MYH6: variants seen among roughly 807,000 people sequenced by gnomAD.
The protein encoded by MYH6 is myosin heavy chain 6.
In MYH6, 126 loss-of-function variants were observed where a neutral mutation model predicts 223.2. That is an observed-to-expected ratio of 0.56 (90% CI 0.49 to 0.65). The LOEUF is 0.65. MYH6 is among the 30% of genes least tolerant of loss of function. The probability of loss-of-function intolerance (pLI) is 0.00; values close to 1 mark genes in which losing one functional copy is unlikely to be tolerated. For synonymous variants in MYH6, 978 were observed against 1,010.2 expected (o/e 0.97, Z 0.61); for missense variants, 2,040 against 2,536.4 (o/e 0.80, Z 4.20).
chr14:23,404,831 C>T lies in MYH6; in HGVS notation c.531-9G>A. 2 of 1,610,222 alleles carry T rather than the reference C, an allele frequency of 1.2e-6. No homozygotes were observed. The highest frequency in any genetic ancestry group is 8.5e-7 in the Non-Finnish European group (1 of 1,176,438). ...CCGCCCCGGATTCTCCCCTGGGGGCCACAGAGACCAATCAAAACTCAGGAT... is the reference window on the plus strand; with the variant it reads ...CCGCCCCGGATTCTCCCCTGGGGGCTACAGAGACCAATCAAAACTCAGGAT... On this transcript the variant is annotated splice_polypyrimidine_tract_variant and intron_variant, in intron 6 of 38. Coordinates refer to ENST00000405093, the MANE Select transcript of MYH6 (RefSeq NM_002471.4).
chr14:23,400,090 G>A (rs1041386461), intron 14 of MYH6, 166 bp downstream of exon 14: 12 of 1,034,100 alleles, frequency 1.2e-5, no homozygotes, highest in Non-Finnish European at 1.7e-5. Flanking sequence ...GGAAGAGTGG[G>A]GGGATCATCC....
Position 23,382,444 on chromosome 14 carries a change from C to A in MYH6, c.5780G>T (p.Arg1927Leu), listed in dbSNP as rs730880152. ...SQVNKLRAKS[R>L]DIGAKQKMHD... Reference sequence around the variant, plus strand: ...GGGACCCACCTTGGCACCAATGTCACGGCTCTTGGCTCGAAGCTTGTTGAC... The same window carrying A: ...GGGACCCACCTTGGCACCAATGTCAAGGCTCTTGGCTCGAAGCTTGTTGAC... Residue 1927 changes from arginine (R) to leucine (L), a missense_variant, in exon 38 of 39, where the codon CGT (arginine) becomes CTT (leucine). Arg to Leu is a moderately radical substitution (Grantham distance 102). Around this residue, in one of 4 missense-constraint regions of MYH6, gnomAD observed 1,203 missense variants for 1,400.2 expected, o/e 0.86. Transcript: ENST00000405093. The A allele has an allele frequency of 6.2e-6, 10 of 1,614,024 alleles. No homozygotes were observed. The African/African-American group carries it at 6.7e-5, about 11-fold the overall frequency.
Position 23,399,569 on chromosome 14 carries a change from C to G in MYH6, c.1582-532G>C, listed in dbSNP as rs146524242. 354 of 191,692 alleles carry G rather than the reference C, an allele frequency of 1.8e-3. 1 individual carries two copies. The highest frequency in any genetic ancestry group is 7.5e-3 in the African/African-American group (320 of 42,836). The allele number at this position is 191,692 out of a possible 1,614,324, so 11.9% of individuals were successfully genotyped here. On this transcript the variant is annotated intron_variant, in intron 14 of 38. Transcript: ENST00000405093. ...AAACGCATGTACACACACACACGTA[C>G]ACACACACACATGCACAAGCACACA... is the stretch of plus-strand genomic sequence containing the variant.
chr14:23,400,505 G>A lies in MYH6; in HGVS notation c.1411-79C>T, dbSNP rs28730776. On this transcript the variant is annotated intron_variant, in intron 13 of 38. Coordinates refer to ENST00000405093, the MANE Select transcript of MYH6 (RefSeq NM_002471.4). Reference sequence around the variant, plus strand: ...TGGGGCTGTGCCCGTGCACTGTGCCGAGCCCAGCAGGGTATGGCTGTCCCC... The same window carrying A: ...TGGGGCTGTGCCCGTGCACTGTGCCAAGCCCAGCAGGGTATGGCTGTCCCC... The A allele has an allele frequency of 5.5e-3, 8,795 of 1,608,168 alleles. 328 individuals are homozygous for A. In the African/African-American group the frequency reaches 0.088, roughly 16 times the overall value.
At chr14:23,397,964 C>CTATTTT (rs1335810595) in intron 15 of MYH6, among the ~76,000 whole-genome samples, 1 of 124,636 alleles carries the variant, frequency 8.0e-6, no homozygotes, top group Non-Finnish European at 1.7e-5. Flanking sequence ...TCTTCTTCTT[C>CTATTTT]TTCTTCTTCT....
rs369835593 is a variant in MYH6 at position 23,396,437 on chromosome 14, G to C, written c.2293-17C>G. The C allele has an allele frequency of 1.2e-6, 2 of 1,612,984 alleles. No individual in the cohort carries two copies. Among genetic ancestry groups the C allele is most frequent in the African/African-American group, 2.7e-5 (2 of 74,942 alleles). On this transcript the variant is annotated splice_polypyrimidine_tract_variant and intron_variant, in intron 19 of 38. Transcript: ENST00000405093. ...GAAGAACACCTGCAGGCAAGGGGTA[G>C]ATGCAACAGGCCGCAGCCTCAGAGG...
Position 23,389,595 on chromosome 14 carries a change from T to A in MYH6, c.3857A>T (p.Asn1286Ile), listed in dbSNP as rs772586397. ...GGGGGTTGGTTAGGGGCACCCACCA[T>A]TCTCGGTCTGCAGCTTGGCTCGCTG... The part of the protein sequence containing the change: ...TTQRAKLQTE[N>I]GELARQLEEK... The change falls in exon 27 of 39, where the codon AAT becomes ATT. Residue 1286 changes from asparagine to isoleucine, a missense_variant and splice_region_variant. Physicochemically the swap from Asn to Ile is moderately radical, Grantham distance 149. This residue lies in a region of MYH6 where 1,203 missense variants were observed against 1,400.2 expected (regional missense o/e 0.86). Transcript: ENST00000405093. 1 of 1,614,220 alleles carries A rather than the reference T, an allele frequency of 6.2e-7. No individual in the cohort carries two copies. Among genetic ancestry groups the A allele is most frequent in the East Asian group, 2.2e-5 (1 of 44,878 alleles).
intron 20 of MYH6, among the ~76,000 whole-genome samples, chr14:23,395,418 C>T (rs1025740580): frequency 1.3e-5 from 2 of 152,168 alleles, no homozygotes; most frequent in Non-Finnish European, 2.9e-5. Context: ...AAGATCTTTG[C>T]TATTATGACC....
chr14:23,385,959 G>T lies in MYH6; in HGVS notation c.5132C>A (p.Thr1711Asn). Residue 1711 changes from threonine (T) to asparagine (N), a missense_variant, in exon 34 of 39, where the codon ACC becomes AAC. Around this residue, in one of 4 missense-constraint regions of MYH6, gnomAD observed 1,203 missense variants for 1,400.2 expected, o/e 0.86. Coordinates refer to ENST00000405093, the MANE Select transcript of MYH6 (RefSeq NM_002471.4). ...RKLAEQELIE[T>N]SERVQLLHSQ... ...ATGCAGCAGCTGCACCCGCTCGCTGGTCTCAATCAGCTCCTGCTCCGCCAG... is the reference window on the plus strand; with the variant it reads ...ATGCAGCAGCTGCACCCGCTCGCTGTTCTCAATCAGCTCCTGCTCCGCCAG... 2 of 1,614,198 alleles carry T rather than the reference G, an allele frequency of 1.2e-6. No individual in the cohort carries two copies. The highest frequency in any genetic ancestry group is 1.7e-6 in the Non-Finnish European group (2 of 1,180,036).
Position 23,383,196 on chromosome 14 carries a change from T to C in MYH6, c.5661+29A>G, listed in dbSNP as rs775716811. ...TTCTCACAAATAGTAGGTGTGTTGA[T>C]GAGAAAGGGAAGAAAGCTCTGAACT... On this transcript the variant is annotated intron_variant, in intron 37 of 38. Transcript: ENST00000405093. 4.4e-6 allele frequency: 7 copies of C among 1,573,292 alleles called. No individual in the cohort carries two copies. In the South Asian group the frequency reaches 7.8e-5, roughly 17 times the overall value.
In MYH6 at chr14:23,402,569, C is replaced by T. The variant is rs1262102654; in HGVS notation, c.1036G>A (p.Glu346Lys). ...AFDVLGFTSE[E>K]KAGVYKLTGA... ...GTCAGCTTGTAGACGCCAGCTTTCT[C>T]CTCTGAAGTGAAGCCCAGCACGTCA... Residue 346 changes from glutamate to lysine, a missense_variant, in exon 12 of 39, where the codon GAG (glutamate) becomes AAG (lysine). By Grantham distance (56) the Glu-to-Lys change is moderately conservative. Transcript: ENST00000405093. 6.2e-7 allele frequency: 1 copy of T among 1,613,796 alleles called. No homozygotes were observed. Among genetic ancestry groups the T allele is most frequent in the Admixed American group, 1.7e-5 (1 of 59,986 alleles).
At chr14:23,388,755 T>C (rs1891125534) in intron 29 of MYH6, 104 bp downstream of exon 29, 1 of 1,529,980 alleles carries the variant, frequency 6.5e-7, no homozygotes. Flanking sequence ...GAGTTCCTCC[T>C]GTCTCTTCCA....
chr14:23,389,178 C>G, intron 28 of MYH6, 123 bp from the exon 29 acceptor site: 1 of 1,279,066 alleles, frequency 7.8e-7, no homozygotes, highest in Non-Finnish European at 1.1e-6. Context: ...TGATGTGGCA[C>G]CTCACTGTTT....
chr14:23,395,835 G>A (rs2138602352), intron 20 of MYH6, among the ~76,000 whole-genome samples: 1 of 152,292 alleles, frequency 6.6e-6, no homozygotes, highest in South Asian at 2.1e-4. Context: ...GCCTGCAGCT[G>A]TTCAACTTTA....
At chr14:23,389,924 G>A in intron 26 of MYH6, 133 bp downstream of exon 26, 1 of 1,566,724 alleles carries the variant, frequency 6.4e-7, no homozygotes, top group South Asian at 1.1e-5. Context: ...GAGGGGCAGG[G>A]GAGACAGGAA....
In MYH6 at chr14:23,405,830, G is replaced by A; in HGVS notation, c.202-60C>T. The A allele has an allele frequency of 6.2e-7, 1 of 1,609,788 alleles. No individual in the cohort carries two copies. The highest frequency in any genetic ancestry group is 1.7e-4 in the Middle Eastern group (1 of 6,040). On this transcript the variant is annotated intron_variant, in intron 3 of 38. Coordinates refer to ENST00000405093, the MANE Select transcript of MYH6 (RefSeq NM_002471.4). The surrounding 1 kb of genome is among the most constrained non-coding windows in gnomAD (Gnocchi z 4.7). ...CACAATCCCTCCGGGACCCTTGCCA[G>A]CACTGCCCACTGACCTCCTCCCAGG... is the stretch of plus-strand genomic sequence containing the variant.
Position 23,384,600 on chromosome 14 carries a change from C to T in MYH6, c.5407G>A (p.Glu1803Lys). 1 of 1,613,808 alleles carries T rather than the reference C, an allele frequency of 6.2e-7. No individual in the cohort carries two copies. Reference sequence around the variant, plus strand: ...TTGCCTCCCTTGAGGGCGATCTGCTCGGCCTCGTCCAGCCGGTGCTGCAGG... The same window carrying T: ...TTGCCTCCCTTGAGGGCGATCTGCTTGGCCTCGTCCAGCCGGTGCTGCAGG... ...KDLQHRLDEAEQIALKGGKKQ... is the reference protein window; with the variant it reads ...KDLQHRLDEAKQIALKGGKKQ... Residue 1803 changes from glutamate to lysine, a missense_variant, in exon 36 of 39, where the codon GAG (glutamate) becomes AAG (lysine). By Grantham distance (56) the Glu-to-Lys change is moderately conservative. This residue lies in a region of MYH6 where 1,203 missense variants were observed against 1,400.2 expected (regional missense o/e 0.86). Coordinates refer to ENST00000405093, the MANE Select transcript of MYH6 (RefSeq NM_002471.4).
chr14:23,389,476 G>A lies in MYH6; in HGVS notation c.3895C>T (p.Leu1299=), dbSNP rs752983057. The change falls in exon 28 of 39, where the codon CTA becomes TTA. Residue 1299 remains leucine (L), a synonymous_variant. Transcript: ENST00000405093. ...LARQLEEKEA[L]ISQLTRGKLS... is the part of the protein sequence containing the mutation. ...TTCCCCCGGGTCAGCTGCGAGATTA[G>A]CGCCTCCTTTTCCTCTAGCTGCCGG... 3 of 1,614,166 alleles carry A rather than the reference G, an allele frequency of 1.9e-6. No homozygotes were observed. The South Asian group carries it at 3.3e-5, about 18-fold the overall frequency.
Position 23,402,704 on chromosome 14 carries a change from G to T in MYH6, c.995C>A (p.Ala332Asp). The T allele has an allele frequency of 1.9e-6, 3 of 1,613,524 alleles. No individual in the cohort carries two copies. The highest frequency in any genetic ancestry group is 2.5e-6 in the Non-Finnish European group (3 of 1,179,946). Residue 332 changes from alanine (A) to aspartate (D), a missense_variant, in exon 11 of 39, where the codon GCC becomes GAC. Around this residue, in one of 4 missense-constraint regions of MYH6, gnomAD observed 649 missense variants for 877.3 expected, o/e 0.74. Transcript: ENST00000405093. Reference protein sequence around the residue: ...ASIDDSEELMATDSAFDVLGF... With the variant: ...ASIDDSEELMDTDSAFDVLGF... The stretch of plus-strand genomic sequence containing the variant: ...AGCAGCCCCCTCACTCACATCGGTG[G>T]CCATGAGCTCCTCGGAGTCATCAAT...
Sources: allele counts gnomAD v4.1 joint callset (sites outside exome capture counted in the v4.1 genomes callset), GRCh38; gene constraint gnomAD v4.1.1; regional missense constraint gnomAD v4.1.1; non-coding constraint Gnocchi (gnomAD v3.1); transcripts MANE v1.5; gene names NCBI Gene and HGNC (gene_info 2026-07-23, HGNC 2026-07-21).